The following DLG2 variants were observed in gnomAD, a reference collection of about 807,000 sequenced individuals.
DLG2 encodes discs large MAGUK scaffold protein 2.
DLG2 carries 45 observed loss-of-function variants against 132.5 expected under a neutral mutation model. The ratio of observed to expected loss-of-function variants is 0.34; its 90% CI spans 0.27 to 0.44. The LOEUF is 0.44. Among genes scored for constraint, DLG2 ranks in the 20% least tolerant of loss-of-function variants. The probability of loss-of-function intolerance (pLI) is 1.00; values close to 1 mark genes in which losing one functional copy is unlikely to be tolerated. For missense variants in DLG2, 1,045 were observed against 1,196.9 expected, an observed-to-expected ratio of 0.87 and a Z score of 1.87; for synonymous variants, 424 against 419.6, an observed-to-expected ratio of 1.01 and a Z score of -0.13.
chr11:83,988,263 T>C (rs2093469440), intron 11 of DLG2, among the ~76,000 whole-genome samples: 1 of 152,202 alleles, frequency 6.6e-6, no homozygotes, highest in Admixed American at 6.6e-5. Flanking sequence ...TATTATAGTT[T>C]TGGCTTTTAT....
chr11:85,399,927 C>T (rs376709591), intron 3 of DLG2, among the ~76,000 whole-genome samples: 1 of 151,918 alleles, frequency 6.6e-6, no homozygotes, highest in East Asian at 1.9e-4. Flanking sequence ...CAAAATTGAC[C>T]AATGGGATCT....
chr11:84,960,497 G>A lies in DLG2; in HGVS notation c.357+151164C>T, dbSNP rs569940658. On this transcript the variant is annotated intron_variant, in intron 6 of 27. Coordinates refer to ENST00000376104, the MANE Select transcript of DLG2 (RefSeq NM_001142699.3). ...GTCACCCAGGCTGGAGTGCACTGGC[G>A]CAATCTCGGCTCACTGCAACCTCCG... Among the ~76,000 whole-genome samples, 5 of 150,918 alleles carry A rather than the reference G, an allele frequency of 3.3e-5. No homozygotes were observed. The South Asian group carries it at 6.3e-4, about 19-fold the overall frequency.
At chr11:84,311,142 C>A (rs1051125971) in intron 7 of DLG2, among the ~76,000 whole-genome samples, 1 of 151,992 alleles carries the variant, frequency 6.6e-6, no homozygotes, top group African/African-American at 2.4e-5. Context: ...GGTACTATGC[C>A]AAAAGTTTCT....
intron 6 of DLG2, among the ~76,000 whole-genome samples, chr11:84,601,844 T>A (rs1459473242): frequency 6.6e-6 from 1 of 152,074 alleles, no homozygotes; most frequent in African/African-American, 2.4e-5. Flanking sequence ...GCTAAAGGTC[T>A]GTGGTAGAAA....
At position 83,456,779 on chromosome 11, in the gene DLG2, G is replaced by C. The variant is rs929343712; in HGVS notation, c.*3039C>G. The C allele has an allele frequency of 4.6e-5, 7 of 152,274 alleles. No individual in the cohort carries two copies. The highest frequency in any genetic ancestry group is 3.9e-4 in the Admixed American group (6 of 15,296). The allele number at this position is 152,274 out of a possible 1,614,324, so 9.4% of individuals were successfully genotyped here. On this transcript the variant is annotated 3_prime_UTR_variant, in exon 28 of 28. Transcript: ENST00000376104. ...TTCTTTCCTGGCTCGGAGTCCTGAA[G>C]GGCCGGCAGTAGGATCTAAGACAGC...
intron 15 of DLG2, among the ~76,000 whole-genome samples, chr11:83,893,469 G>C (rs139818699): frequency 6.6e-6 from 1 of 152,210 alleles, no homozygotes; most frequent in Non-Finnish European, 1.5e-5. Flanking sequence ...TTCTCTCTAA[G>C]GGCATCTGCA....
intron 6 of DLG2, among the ~76,000 whole-genome samples, chr11:84,692,987 C>T (rs1022930674): frequency 1.3e-5 from 2 of 151,736 alleles, no homozygotes; most frequent in Non-Finnish European, 3.0e-5. Flanking sequence ...AATAACTGCG[C>T]AAACTGGAAA....
At chr11:83,484,770 G>C (rs1330586314) in intron 21 of DLG2, among the ~76,000 whole-genome samples, 2 of 152,062 alleles carry the variant, frequency 1.3e-5, no homozygotes, top group Non-Finnish European at 2.9e-5. Context: ...TTGAATTTGA[G>C]TTACTTCTGT....
At chr11:84,618,137 G>C (rs1271780305) in intron 6 of DLG2, among the ~76,000 whole-genome samples, 2 of 152,044 alleles carry the variant, frequency 1.3e-5, no homozygotes, top group Non-Finnish European at 2.9e-5. Context: ...CATATTCAGG[G>C]AATTGTAACT....
chr11:85,485,375 A>AG (rs1332411365), intron 3 of DLG2, among the ~76,000 whole-genome samples: 1 of 150,518 alleles, frequency 6.6e-6, no homozygotes, highest in African/African-American at 2.4e-5. Flanking sequence ...ATAAACAAAT[A>AG]GAAAAAAAAA....
At chr11:85,226,248 GTGGATGGA>G (rs531246354) in intron 4 of DLG2, among the ~76,000 whole-genome samples, 17 of 150,052 alleles carry the variant, frequency 1.1e-4, no homozygotes, top group Admixed American at 9.4e-4. Flanking sequence ...AGACATGTGG[GTGGATGGA>G]TGGATGGATG....
chr11:85,077,666 G>T (rs1440521634), intron 6 of DLG2, among the ~76,000 whole-genome samples: 2 of 151,938 alleles, frequency 1.3e-5, no homozygotes, highest in East Asian at 3.9e-4. Context: ...ATGTGCTACT[G>T]CACATATAAT....
At chr11:83,593,603 C>A (rs991666712) in intron 19 of DLG2, among the ~76,000 whole-genome samples, 3 of 149,908 alleles carry the variant, frequency 2.0e-5, no homozygotes, top group African/African-American at 7.4e-5. Flanking sequence ...ATGTAACTAA[C>A]CTGCACAATG....
intron 6 of DLG2, among the ~76,000 whole-genome samples, chr11:84,837,350 A>G (rs962221683): frequency 6.6e-6 from 1 of 151,746 alleles, no homozygotes; most frequent in Non-Finnish European, 1.5e-5. Flanking sequence ...CATTGTTTAA[A>G]TAAGGAAGAT....
intron 6 of DLG2, among the ~76,000 whole-genome samples, chr11:84,778,449 C>A (rs981367519): frequency 6.6e-6 from 1 of 151,974 alleles, no homozygotes; most frequent in Non-Finnish European, 1.5e-5. Context: ...ATTTTTGATT[C>A]CATAAAATTT....
intron 7 of DLG2, among the ~76,000 whole-genome samples, chr11:84,428,625 C>G (rs1019861707): frequency 6.6e-6 from 1 of 152,104 alleles, no homozygotes; most frequent in Non-Finnish European, 1.5e-5. Flanking sequence ...ACAATGCCAC[C>G]AAGCCTATCA....
intron 14 of DLG2, among the ~76,000 whole-genome samples, chr11:83,939,001 T>G (rs1023277442): frequency 2.0e-5 from 3 of 152,218 alleles, no homozygotes; most frequent in Non-Finnish European, 4.4e-5. Flanking sequence ...GCCCTCAGTT[T>G]CTGTTCTGTA....
chr11:83,805,492 G>A (rs2045663236), intron 17 of DLG2, among the ~76,000 whole-genome samples: 2 of 151,102 alleles, frequency 1.3e-5, no homozygotes, highest in Middle Eastern at 7.0e-3. Context: ...TTGGTTTTTT[G>A]ATATAGCATG....
intron 16 of DLG2, among the ~76,000 whole-genome samples, chr11:83,857,538 C>A (rs909585884): frequency 8.5e-5 from 13 of 152,132 alleles, no homozygotes; most frequent in Non-Finnish European, 1.2e-4. Flanking sequence ...ACATAATCAT[C>A]AGAATCTCCA....
Sources: allele counts gnomAD v4.1 joint callset (sites outside exome capture counted in the v4.1 genomes callset), GRCh38; gene constraint gnomAD v4.1.1; transcripts MANE v1.5; gene names NCBI Gene and HGNC (gene_info 2026-07-23, HGNC 2026-07-21).